SFPQ: variants seen among roughly 807,000 people sequenced by gnomAD.
SFPQ encodes splicing factor proline and glutamine rich.
Under a neutral mutation model 72.9 loss-of-function variants are expected in SFPQ, and 11 were observed. That is an observed-to-expected ratio of 0.15 (90% CI 0.09 to 0.25). The LOEUF is 0.25. Among genes scored for constraint, SFPQ ranks in the 10% least tolerant of loss-of-function variants. The probability of loss-of-function intolerance (pLI) is 1.00; values close to 1 mark genes in which losing one functional copy is unlikely to be tolerated. For synonymous variants in SFPQ, 506 were observed against 367.3 expected, an observed-to-expected ratio of 1.38 and a Z score of -4.32; for missense variants, 847 against 993.3, an observed-to-expected ratio of 0.85 and a Z score of 1.98.
At chr1:35,184,683 C>T in intron 9 of SFPQ, 90 bp from the exon 10 acceptor site, 1 of 1,417,062 alleles carries the variant, frequency 7.1e-7, no homozygotes, top group Non-Finnish European at 9.2e-7. Context: ...AGTCAACGTT[C>T]GTCGATACAA....
Position 35,184,045 on chromosome 1 carries a change from C to T in SFPQ, c.*411G>A. ...GGCATATGCCATTCAAAGGCCTAGACACTCTCATGCTTTCAATGTGGAATA... is the reference window on the plus strand; with the variant it reads ...GGCATATGCCATTCAAAGGCCTAGATACTCTCATGCTTTCAATGTGGAATA... On this transcript the variant is annotated 3_prime_UTR_variant, in exon 10 of 10. Transcript: ENST00000357214. 9.3e-7 allele frequency: 1 copy of T among 1,069,710 alleles called. No individual in the cohort carries two copies. The highest frequency in any genetic ancestry group is 1.1e-6 in the Non-Finnish European group (1 of 883,192). 66.3% of individuals were successfully genotyped at this position (1,069,710 alleles called of 1,614,324 possible).
chr1:35,184,292 A>G lies in SFPQ; in HGVS notation c.*164T>C, dbSNP rs1639609719. 2.1e-6 allele frequency: 3 copies of G among 1,429,096 alleles called. No homozygotes were observed. The highest frequency in any genetic ancestry group is 2.7e-6 in the Non-Finnish European group (3 of 1,100,442). 88.5% of individuals were successfully genotyped at this position (1,429,096 alleles called of 1,614,324 possible). On this transcript the variant is annotated 3_prime_UTR_variant, in exon 10 of 10. Transcript: ENST00000357214. The stretch of plus-strand genomic sequence containing the variant: ...AAAATTCTCCTGTTCCAAACACTGC[A>G]TTACATAATTTTACCTGCCCAAACA...
At position 35,192,240 on chromosome 1, in the gene SFPQ, C is replaced by G; in HGVS notation, c.810G>C (p.Glu270Asp). Residue 270 changes from glutamate to aspartate, a missense_variant, in exon 1 of 10, where the codon GAG (glutamate) becomes GAC (aspartate). By Grantham distance (45) the Glu-to-Asp change is conservative. Around this residue, in one of 6 missense-constraint regions of SFPQ, gnomAD observed 498 missense variants for 405.1 expected, o/e 1.23. Transcript: ENST00000357214. ...CACTCACCTCCGAGTCCGAGATCTT[C>G]TCCTCGCTGCGGCCGCCGGGCCCGC... Reference protein sequence around the residue: ...PPGGPGGRSEEKISDSEGFKA... With the variant: ...PPGGPGGRSEDKISDSEGFKA... The G allele has an allele frequency of 6.8e-7, 1 of 1,462,680 alleles. No homozygotes were observed. The highest frequency in any genetic ancestry group is 9.0e-7 in the Non-Finnish European group (1 of 1,114,798). 90.6% of individuals were successfully genotyped at this position (1,462,680 alleles called of 1,614,324 possible). A position where few individuals can be genotyped will look rare whatever the true frequency, so the allele number is the denominator to read the frequency against.
At chr1:35,181,406 C>G (rs1639459362), downstream of SFPQ, 1 of 1,063,968 alleles carries the variant, frequency 9.4e-7, no homozygotes, top group African/African-American at 1.6e-5. Flanking sequence ...AAAAATTGCA[C>G]AGGCGTAACA....
At chr1:35,177,115 T>A (rs1178691660) in intron 5 of SFPQ, 1 of 152,190 alleles carries the variant, frequency 6.6e-6, no homozygotes, top group East Asian at 1.9e-4. Flanking sequence ...CTTGGAAGGC[T>A]GAGGCAGGAG....
At position 35,192,762 on chromosome 1, in the gene SFPQ, CTGCTGA is replaced by C. The variant is rs1557818922; in HGVS notation, c.282_287del (p.His94_Gln95del). 10 of 1,499,202 alleles carry C rather than the reference CTGCTGA, an allele frequency of 6.7e-6. No individual in the cohort carries two copies. In the Admixed American group the frequency reaches 8.6e-5, roughly 13 times the overall value. 92.9% of individuals were successfully genotyped at this position (1,499,202 alleles called of 1,614,324 possible). On this transcript the variant is annotated inframe_deletion, in exon 1 of 10. Transcript: ENST00000357214. ...CCTGCGGCGGTGGCGGCGGCTGCTG[CTGCTGA>C]TGCGGCTGTGGATGCGGCGGCGGCT...
At chr1:35,184,627 T>C (rs765486138) in intron 9 of SFPQ, 34 bp from the exon 10 acceptor site, 2 of 1,519,534 alleles carry the variant, frequency 1.3e-6, no homozygotes, top group Admixed American at 2.5e-5. Flanking sequence ...TCATTATAAG[T>C]AGTTGATGTC....
At position 35,184,023 on chromosome 1, in the gene SFPQ, A is replaced by C. The variant is rs543736104; in HGVS notation, c.*433T>G. ...TCCAGATGCATTTCCCAGAAATGGC[A>C]TATGCCATTCAAAGGCCTAGACACT... On this transcript the variant is annotated 3_prime_UTR_variant, in exon 10 of 10. Transcript: ENST00000357214. The C allele has an allele frequency of 8.5e-6, 9 of 1,059,552 alleles. No homozygotes were observed. In the Admixed American group the frequency reaches 4.9e-4, roughly 57 times the overall value. The allele number at this position is 1,059,552 out of a possible 1,614,324, so 65.6% of individuals were successfully genotyped here.
downstream of SFPQ, chr1:35,181,152 T>C: frequency 9.4e-7 from 1 of 1,065,360 alleles, no homozygotes; most frequent in Non-Finnish European, 1.1e-6. Flanking sequence ...CAGTCGGCAA[T>C]GAGAATCTTG....
chr1:35,177,852 C>T, intron 4 of SFPQ: 1 of 256,400 alleles, frequency 3.9e-6, no homozygotes, highest in Non-Finnish European at 6.6e-6. Context: ...CCCTAATTTC[C>T]AAACAAAAAT....
At chr1:35,178,591 A>C, downstream of SFPQ, 1 of 1,057,810 alleles carries the variant, frequency 9.5e-7, no homozygotes, top group Non-Finnish European at 1.1e-6. Flanking sequence ...TGAGTTTTAA[A>C]GTTAGGGCTG....
Position 35,191,981 on chromosome 1 carries a change from G to A in SFPQ, c.828+241C>T, listed in dbSNP as rs1473385493. ...ACCTTCTGCAGGGCCGACCACCGCG[G>A]CCCCGCGCTTCCTTCCGAAAGGAAA... is the stretch of plus-strand genomic sequence containing the variant. On this transcript the variant is annotated intron_variant, in intron 1 of 9. Transcript: ENST00000357214. Among the ~76,000 whole-genome samples the A allele has an allele frequency of 4.6e-5, 7 of 152,116 alleles. 1 individual carries two copies. The highest frequency in any genetic ancestry group is 4.6e-4 in the Admixed American group (7 of 15,284).
rs1233121744 is a variant in SFPQ at position 35,190,565 on chromosome 1, G to C, written c.1348C>G (p.Leu450Val). Reference protein sequence around the residue: ...TTPRPVIVEPLEQLDDEDGLP... With the variant: ...TTPRPVIVEPVEQLDDEDGLP... ...CCATCTTCATCATCTAGTTGTTCAA[G>C]TGGTTCCACAATGACTGGACGAGGA... Residue 450 changes from leucine (L) to valine (V), a missense_variant, in exon 4 of 10, where the codon CTT becomes GTT. Transcript: ENST00000357214. 1.9e-6 allele frequency: 3 copies of C among 1,613,980 alleles called. No individual in the cohort carries two copies. Among genetic ancestry groups the C allele is most frequent in the East Asian group, 2.2e-5 (1 of 44,874 alleles).
chr1:35,185,672 T>C (rs150961079), intron 9 of SFPQ, among the ~76,000 whole-genome samples: 65 of 152,350 alleles, frequency 4.3e-4, no homozygotes, highest in African/African-American at 1.5e-3. Context: ...ACTGTTCCTA[T>C]ACACAATTTC....
downstream of SFPQ, chr1:35,181,717 A>G: frequency 9.4e-7 from 1 of 1,061,118 alleles, no homozygotes; most frequent in Non-Finnish European, 1.1e-6. Context: ...AATGAAAAAA[A>G]TGGCTAAAAT....
Position 35,183,517 on chromosome 1 carries a change from C to G in SFPQ, c.*939G>C. On this transcript the variant is annotated 3_prime_UTR_variant, in exon 10 of 10. Coordinates refer to ENST00000357214, the MANE Select transcript of SFPQ (RefSeq NM_005066.3). Reference sequence around the variant, plus strand: ...CAGGCGTGAGCCACCGCGCCCGGCCCAGTTACTAAACCTTCTTACTTTCAA... The same window carrying G: ...CAGGCGTGAGCCACCGCGCCCGGCCGAGTTACTAAACCTTCTTACTTTCAA... 1 of 1,011,616 alleles carries G rather than the reference C, an allele frequency of 9.9e-7. No homozygotes were observed. Among genetic ancestry groups the G allele is most frequent in the Non-Finnish European group, 1.2e-6 (1 of 844,574 alleles). 62.7% of individuals were successfully genotyped at this position (1,011,616 alleles called of 1,614,324 possible). A position where few individuals can be genotyped will look rare whatever the true frequency, so the allele number is the denominator to read the frequency against.
At position 35,189,245 on chromosome 1, in the gene SFPQ, T is replaced by C; in HGVS notation, c.1553A>G (p.Lys518Arg). The C allele has an allele frequency of 6.2e-7, 1 of 1,613,968 alleles. No individual in the cohort carries two copies. Among genetic ancestry groups the C allele is most frequent in the Non-Finnish European group, 8.5e-7 (1 of 1,179,786 alleles). The part of the protein sequence containing the change: ...VEKNMKDAKD[K>R]LESEMEDAYH... ...GGCATCTTCCATTTCACTTTCCAATTTGTCTTTTGCATCTTTCATGTTTTT... is the reference window on the plus strand; with the variant it reads ...GGCATCTTCCATTTCACTTTCCAATCTGTCTTTTGCATCTTTCATGTTTTT... The change falls in exon 5 of 10, where the codon AAA becomes AGA. Residue 518 changes from lysine (K) to arginine (R), a missense_variant. This residue lies in a region of SFPQ where 132 missense variants were observed against 255.4 expected (regional missense o/e 0.52). Transcript: ENST00000357214.
At chr1:35,178,449 T>A (rs1639335835), downstream of SFPQ, 1 of 1,063,930 alleles carries the variant, frequency 9.4e-7, no homozygotes, top group African/African-American at 1.6e-5. Flanking sequence ...TCTTCCATTG[T>A]CAGGCAGGCT....
rs528009967 is a variant in SFPQ, at chr1:35,183,054, A to G, written c.*1402T>C. The G allele has an allele frequency of 3.6e-5, 37 of 1,033,142 alleles. No individual in the cohort carries two copies. The highest frequency in any genetic ancestry group is 2.4e-4 in the East Asian group (4 of 16,414). The allele number at this position is 1,033,142 out of a possible 1,614,324, so 64.0% of individuals were successfully genotyped here. A position where few individuals can be genotyped will look rare whatever the true frequency, so the allele number is the denominator to read the frequency against. On this transcript the variant is annotated 3_prime_UTR_variant, in exon 10 of 10. Transcript: ENST00000357214. ...TATGTGAAAACAAGTTAAATTTACA[A>G]TAAGAATGATTATCTGCAACCCTAT...
Sources: gnomAD v4.1 joint callset for allele counts (sites outside exome capture counted in the v4.1 genomes callset) on GRCh38, gnomAD v4.1.1 for gene constraint, gnomAD v4.1.1 regional missense constraint, MANE v1.5 for transcripts, NCBI Gene and HGNC (gene_info 2026-07-23, HGNC 2026-07-21) for gene names.